The following TAOK3 variants were observed in gnomAD, a reference collection of about 807,000 sequenced individuals.
TAOK3 encodes serine/threonine-protein kinase TAO3.
A neutral mutation model predicts 120.4 loss-of-function variants in TAOK3; 40 were observed. The observed-to-expected ratio is 0.33, with a 90% CI of 0.26 to 0.43. The LOEUF is 0.43. Among genes scored for constraint, TAOK3 ranks in the 20% least tolerant of loss-of-function variants. The pLI is 1.00. For synonymous variants in TAOK3, 355 were observed against 387.5 expected (o/e 0.92, Z 0.99); for missense variants, 821 against 1,112.1 (o/e 0.74, Z 3.72).
At chr12:118,364,860 G>A (rs959372920) in intron 1 of TAOK3, among the ~76,000 whole-genome samples, 4 of 152,258 alleles carry the variant, frequency 2.6e-5, no homozygotes, top group African/African-American at 7.2e-5. Flanking sequence ...AGCCAAGATC[G>A]CACCACTGCA....
intron 3 of TAOK3, chr12:118,246,248 C>G: frequency 1.4e-6 from 2 of 1,481,034 alleles, no homozygotes; most frequent in Non-Finnish European, 1.9e-6. Flanking sequence ...GAGGCAAGGC[C>G]GAGGATAAGG....
intron 1 of TAOK3, among the ~76,000 whole-genome samples, chr12:118,317,949 G>A (rs1321035331): frequency 1.3e-5 from 2 of 151,944 alleles, no homozygotes; most frequent in Non-Finnish European, 2.9e-5. Flanking sequence ...AGAACTGACA[G>A]CCCAGAAATA....
rs1407154740 is a variant in TAOK3, at chr12:118,191,213, G to C, written c.1195-1272C>G. Among the ~76,000 whole-genome samples the C allele has an allele frequency of 3.3e-5, 5 of 152,220 alleles. No individual in the cohort carries two copies. In the South Asian group the frequency reaches 1.0e-3, roughly 32 times the overall value. On this transcript the variant is annotated intron_variant, in intron 13 of 20. Transcript: ENST00000392533. ...TTTTTATGTAAAAGCCAAGACCCAA[G>C]ATTAAATTGGGCTGATTTTCTTTTT...
At chr12:118,365,118 C>A (rs1311287872) in intron 1 of TAOK3, among the ~76,000 whole-genome samples, 1 of 152,216 alleles carries the variant, frequency 6.6e-6, no homozygotes, top group Non-Finnish European at 1.5e-5. Flanking sequence ...GTGCCTAGAT[C>A]TTTCCCAGTC....
chr12:118,158,920 A>T (rs941180024), intron 19 of TAOK3, among the ~76,000 whole-genome samples: 1 of 152,178 alleles, frequency 6.6e-6, no homozygotes, highest in African/African-American at 2.4e-5. Context: ...CACGTCTCTA[A>T]GTCTTTGCAT....
intron 2 of TAOK3, among the ~76,000 whole-genome samples, chr12:118,264,812 T>A (rs1160009915): frequency 1.3e-5 from 2 of 152,180 alleles, no homozygotes; most frequent in Non-Finnish European, 2.9e-5. Context: ...AGCAGGCAGA[T>A]CATTTGAGGT....
intron 9 of TAOK3, among the ~76,000 whole-genome samples, chr12:118,216,887 C>T (rs556878901): frequency 6.8e-6 from 1 of 147,456 alleles, no homozygotes; most frequent in East Asian, 2.0e-4. Flanking sequence ...CGAGATCGTG[C>T]CACTGCACTC....
At chr12:118,298,251 G>C (rs138063977) in intron 1 of TAOK3, among the ~76,000 whole-genome samples, 255 of 152,100 alleles carry the variant, frequency 1.7e-3, no homozygotes, top group African/African-American at 6.0e-3. Flanking sequence ...GAAGTTCTCA[G>C]ACTTTAAAGT....
rs560610923 is a variant in TAOK3, at chr12:118,195,923, G to A, written c.1194+3128C>T. On this transcript the variant is annotated intron_variant, in intron 13 of 20. Coordinates refer to ENST00000392533, the MANE Select transcript of TAOK3 (RefSeq NM_016281.4). ...AAATTAGCCAGGTGTGGTGGCAGGC[G>A]CCTGTAGTCCCAGCTACTCAGGAGG... 4.2e-4 allele frequency among the ~76,000 whole-genome samples: 64 copies of A among 152,184 alleles called. No individual in the cohort carries two copies. The East Asian group carries it at 0.012, about 28-fold the overall frequency.
At chr12:118,215,437 G>A (rs1012610923) in intron 9 of TAOK3, among the ~76,000 whole-genome samples, 2 of 151,218 alleles carry the variant, frequency 1.3e-5, no homozygotes, top group Non-Finnish European at 2.9e-5. Context: ...GCATGAACCC[G>A]AGAGGCAGAG....
intron 10 of TAOK3, among the ~76,000 whole-genome samples, chr12:118,213,383 T>C (rs2038726016): frequency 6.6e-6 from 1 of 152,122 alleles, no homozygotes; most frequent in African/African-American, 2.4e-5. Flanking sequence ...CCACAATCTA[T>C]AACAAAGTAG....
At chr12:118,344,516 TCAA>T (rs1388532645) in intron 1 of TAOK3, among the ~76,000 whole-genome samples, 1 of 152,074 alleles carries the variant, frequency 6.6e-6, no homozygotes. Flanking sequence ...AAATGTGGTA[TCAA>T]CAATACCACT....
At chr12:118,280,064 C>CTT (rs35109102) in intron 1 of TAOK3, among the ~76,000 whole-genome samples, 14 of 133,948 alleles carry the variant, frequency 1.0e-4, no homozygotes, top group African/African-American at 3.0e-4. Context: ...CGCGCCCCAC[C>CTT]TTTTTTTTTT....
intron 1 of TAOK3, among the ~76,000 whole-genome samples, chr12:118,332,113 C>G (rs2044177014): frequency 6.6e-6 from 1 of 152,190 alleles, no homozygotes; most frequent in Non-Finnish European, 1.5e-5. Flanking sequence ...GTGTGAGCCA[C>G]CACGCCCAGA....
At chr12:118,201,869 A>G (rs1236464423) in intron 11 of TAOK3, among the ~76,000 whole-genome samples, 1 of 152,096 alleles carries the variant, frequency 6.6e-6, no homozygotes, top group East Asian at 1.9e-4. Flanking sequence ...ATAATACAAT[A>G]TTATCAACTA....
chr12:118,225,246 C>CAAAA (rs34923071), intron 9 of TAOK3, among the ~76,000 whole-genome samples: 3 of 75,826 alleles, frequency 4.0e-5, no homozygotes, highest in South Asian at 5.0e-4. Flanking sequence ...GAGACTGTCT[C>CAAAA]AAAAAAAAAA....
intron 9 of TAOK3, among the ~76,000 whole-genome samples, chr12:118,219,326 T>C (rs2039107603): frequency 6.6e-6 from 1 of 151,534 alleles, no homozygotes; most frequent in South Asian, 2.1e-4. Context: ...GATCAGCTCA[T>C]TGCAACCTCA....
intron 17 of TAOK3, among the ~76,000 whole-genome samples, chr12:118,166,847 T>TACACAC (rs200569755): frequency 0.022 from 2,968 of 135,248 alleles, 43 homozygotes; most frequent in Non-Finnish European, 0.026. Flanking sequence ...CACACACACA[T>TACACAC]ACACACACAC....
chr12:118,315,178 G>T (rs1410706087), intron 1 of TAOK3, among the ~76,000 whole-genome samples: 2 of 152,138 alleles, frequency 1.3e-5, no homozygotes, highest in African/African-American at 4.8e-5. Flanking sequence ...GCCCGCCTTG[G>T]ACTCCCAAAG....
Sources: gnomAD v4.1 joint callset for allele counts (sites outside exome capture counted in the v4.1 genomes callset) on GRCh38, gnomAD v4.1.1 for gene constraint, MANE v1.5 for transcripts, NCBI Gene and HGNC (gene_info 2026-07-23, HGNC 2026-07-21) for gene names.